The following STK33 variants were observed in gnomAD, a reference collection of about 807,000 sequenced individuals.
The protein encoded by STK33 is serine/threonine-protein kinase 33.
STK33 carries 52 observed loss-of-function variants against 58.0 expected under a neutral mutation model. That is an observed-to-expected ratio of 0.90 (90% confidence interval 0.72 to 1.13). The LOEUF is 1.13. Ranked by LOEUF, STK33 falls within the 50% of genes most tolerant of loss-of-function variation. The pLI is 0.00. For synonymous variants in STK33, 215 were observed against 200.1 expected, an observed-to-expected ratio of 1.07 and a Z score of -0.63; for missense variants, 630 against 604.2, an observed-to-expected ratio of 1.04 and a Z score of -0.45.
chr11:8,460,264 G>A (rs1454409974), intron 8 of STK33, among the ~76,000 whole-genome samples: 2 of 151,942 alleles, frequency 1.3e-5, no homozygotes, highest in African/African-American at 2.4e-5. Flanking sequence ...ACAATAAATT[G>A]AAACTGATCT....
intron 1 of STK33, among the ~76,000 whole-genome samples, chr11:8,537,240 A>G (rs1955106226): frequency 6.6e-6 from 1 of 151,682 alleles, no homozygotes; most frequent in Non-Finnish European, 1.5e-5. Context: ...TCAGCCTCCC[A>G]AAGTGCTAGG....
the STK33 span, among the ~76,000 whole-genome samples, chr11:8,364,699 G>A: frequency 6.6e-6 from 1 of 152,204 alleles, no homozygotes; most frequent in Non-Finnish European, 1.5e-5. Flanking sequence ...CACATAAAAT[G>A]AAGACTGTCT....
chr11:8,453,645 T>C (rs1440239308), intron 10 of STK33, among the ~76,000 whole-genome samples: 1 of 152,238 alleles, frequency 6.6e-6, no homozygotes, highest in Non-Finnish European at 1.5e-5. Flanking sequence ...TTTGGAATTA[T>C]CTCCCAAAGT....
At chr11:8,470,985 C>T (rs1426963297) in intron 6 of STK33, among the ~76,000 whole-genome samples, 2 of 152,166 alleles carry the variant, frequency 1.3e-5, no homozygotes, top group African/African-American at 4.8e-5. Context: ...ATGGCACCAA[C>T]AGACTTGCTT....
intron 1 of STK33, among the ~76,000 whole-genome samples, chr11:8,587,255 T>C (rs12281197): frequency 0.055 from 8,409 of 152,238 alleles, 410 homozygotes; most frequent in African/African-American, 0.14. Flanking sequence ...TTTGAAAACA[T>C]TTTTCAATGG....
At chr11:8,554,594 A>G (rs564795090) in intron 1 of STK33, among the ~76,000 whole-genome samples, 4 of 152,298 alleles carry the variant, frequency 2.6e-5, no homozygotes, top group Admixed American at 6.5e-5. Context: ...CTGTTATCAA[A>G]AAGATGAAAG....
At chr11:8,422,154 GTTTTC>G (rs1412299179) in intron 14 of STK33, among the ~76,000 whole-genome samples, 1 of 152,008 alleles carries the variant, frequency 6.6e-6, no homozygotes, top group African/African-American at 2.4e-5. Context: ...GGTTAAGGAA[GTTTTC>G]TTTTCTTTTT....
chr11:8,462,418 CAT>C (rs760553817), intron 7 of STK33, among the ~76,000 whole-genome samples: 1 of 133,060 alleles, frequency 7.5e-6, no homozygotes, highest in South Asian at 2.5e-4. Flanking sequence ...TATACACACA[CAT>C]ATATATACAT....
chr11:8,352,866 C>T, the STK33 span, among the ~76,000 whole-genome samples: 1 of 152,144 alleles, frequency 6.6e-6, no homozygotes, highest in Non-Finnish European at 1.5e-5. Flanking sequence ...CTGCCAGGGA[C>T]CCAGGAATGC....
chr11:8,388,461 A>T (rs1451392331), downstream of STK33, among the ~76,000 whole-genome samples: 1 of 152,264 alleles, frequency 6.6e-6, no homozygotes, highest in Non-Finnish European at 1.5e-5. Context: ...ACTGAACAGA[A>T]ATCAAAATCG....
intron 15 of STK33, among the ~76,000 whole-genome samples, chr11:8,396,572 C>T (rs1849380896): frequency 6.6e-6 from 1 of 152,190 alleles, no homozygotes; most frequent in African/African-American, 2.4e-5. Context: ...TGGGTGATTT[C>T]TGCATTTCCA....
At chr11:8,366,136 G>C in the STK33 span, among the ~76,000 whole-genome samples, 2 of 152,218 alleles carry the variant, frequency 1.3e-5, no homozygotes, top group African/African-American at 4.8e-5. Flanking sequence ...ATAAGGGCTG[G>C]ATAGAGAAGA....
At chr11:8,401,025 T>C (rs1937802314) in intron 15 of STK33, among the ~76,000 whole-genome samples, 2 of 152,192 alleles carry the variant, frequency 1.3e-5, no homozygotes. Flanking sequence ...ATCAATATCG[T>C]GAAAATGGCC....
In STK33 at chr11:8,435,599, C is replaced by A. The variant is rs1185737186; in HGVS notation, c.1061-20G>T. ...TTTTAGCTAAAAATAAGAAAAAAATCCTGAAAAATCTTATTTAACTACAAT... is the reference window on the plus strand; with the variant it reads ...TTTTAGCTAAAAATAAGAAAAAAATACTGAAAAATCTTATTTAACTACAAT... On this transcript the variant is annotated intron_variant, in intron 13 of 15. Transcript: ENST00000687296. The A allele has an allele frequency of 7.1e-7, 1 of 1,401,020 alleles. No homozygotes were observed. The highest frequency in any genetic ancestry group is 9.5e-7 in the Non-Finnish European group (1 of 1,047,370). 86.8% of individuals were successfully genotyped at this position (1,401,020 alleles called of 1,614,324 possible).
At chr11:8,518,547 C>T (rs1257395587) in intron 1 of STK33, among the ~76,000 whole-genome samples, 1 of 152,154 alleles carries the variant, frequency 6.6e-6, no homozygotes, top group Non-Finnish European at 1.5e-5. Flanking sequence ...CACAGACTGG[C>T]AAATTGGATA....
intron 1 of STK33, among the ~76,000 whole-genome samples, chr11:8,521,634 A>T (rs552644486): frequency 6.6e-6 from 1 of 152,348 alleles, no homozygotes; most frequent in Non-Finnish European, 1.5e-5. Flanking sequence ...ATGGGATCTA[A>T]TTAAACTAAA....
intron 1 of STK33, among the ~76,000 whole-genome samples, chr11:8,494,758 T>G (rs1226174582): frequency 2.0e-5 from 3 of 152,132 alleles, no homozygotes; most frequent in Non-Finnish European, 2.9e-5. Flanking sequence ...TATAGATCAA[T>G]GGAACAGAAC....
chr11:8,408,590 G>C (rs1170238960), intron 15 of STK33, among the ~76,000 whole-genome samples: 1 of 152,196 alleles, frequency 6.6e-6, no homozygotes, highest in Non-Finnish European at 1.5e-5. Context: ...ATTCATGTTA[G>C]CACAATTAGT....
At chr11:8,414,728 T>C (rs912178390) in intron 14 of STK33, among the ~76,000 whole-genome samples, 1 of 152,154 alleles carries the variant, frequency 6.6e-6, no homozygotes, top group Non-Finnish European at 1.5e-5. Context: ...CTCTGTCCCC[T>C]TGTTTTAAGA....
Sources: gnomAD v4.1 joint callset for allele counts (sites outside exome capture counted in the v4.1 genomes callset) on GRCh38, gnomAD v4.1.1 for gene constraint, MANE v1.5 for transcripts, NCBI Gene and HGNC (gene_info 2026-07-23, HGNC 2026-07-21) for gene names.